Variants in FER observed in about 807,000 individuals in gnomAD.
The protein encoded by FER is tyrosine-protein kinase Fer.
A neutral mutation model predicts 111.0 loss-of-function variants in FER; 63 were observed. The ratio of observed to expected loss-of-function variants is 0.57; its 90% CI spans 0.46 to 0.70. The LOEUF is 0.70. FER is among the 30% of genes least tolerant of loss of function. The pLI is 0.00. For synonymous variants in FER, 327 were observed against 313.9 expected (o/e 1.04, Z -0.44); for missense variants, 914 against 954.0 (o/e 0.96, Z 0.55).
At chr5:109,077,745 A>G (rs1307022600) in intron 16 of FER, among the ~76,000 whole-genome samples, 3 of 152,172 alleles carry the variant, frequency 2.0e-5, no homozygotes, top group African/African-American at 4.8e-5. Flanking sequence ...ATAACAGCCA[A>G]CCATATTAAG....
intron 14 of FER, among the ~76,000 whole-genome samples, chr5:109,039,311 T>C (rs77358049): frequency 0.01 from 1,544 of 152,226 alleles, 23 homozygotes; most frequent in African/African-American, 0.035. Flanking sequence ...CAACAAATAT[T>C]CAGTCATCCA....
Position 108,946,138 on chromosome 5 carries a change from G to C in FER, c.1245G>C (p.Lys415Asn). 1 of 1,611,554 alleles carries C rather than the reference G, an allele frequency of 6.2e-7. No individual in the cohort carries two copies. The highest frequency in any genetic ancestry group is 8.5e-7 in the Non-Finnish European group (1 of 1,178,354). The change falls in exon 11 of 20, where the codon AAG becomes AAC. Residue 415 changes from lysine (K) to asparagine (N), a missense_variant. This residue lies in a region of FER where 774 missense variants were observed against 782.6 expected (regional missense o/e 0.99). Coordinates refer to ENST00000281092, the MANE Select transcript of FER (RefSeq NM_005246.4). ...DARSVTSMER[K>N]ERLSKFESIR... is the part of the protein sequence containing the mutation. ...TTTCTTAATCCCTCCAGGAAAGAAA[G>C]GAGAGGCTATCCAAATTTGAATCTA... is the stretch of plus-strand genomic sequence containing the variant.
intron 3 of FER, among the ~76,000 whole-genome samples, chr5:108,824,617 T>C (rs1342946498): frequency 6.6e-6 from 1 of 152,132 alleles, no homozygotes; most frequent in African/African-American, 2.4e-5. Context: ...TGTATAGAAA[T>C]GTTACTGATT....
intron 5 of FER, among the ~76,000 whole-genome samples, chr5:108,851,122 A>G (rs1302353344): frequency 6.6e-6 from 1 of 152,230 alleles, no homozygotes; most frequent in African/African-American, 2.4e-5. Flanking sequence ...TGTAGATAAT[A>G]TACATCATTG....
At chr5:109,113,621 G>A (rs1401265034) in intron 17 of FER, among the ~76,000 whole-genome samples, 5 of 152,102 alleles carry the variant, frequency 3.3e-5, no homozygotes, top group East Asian at 3.9e-4. Context: ...CATACACAGC[G>A]CAAGCCGGGA....
At chr5:108,985,130 G>T (rs1159163777) in intron 13 of FER, among the ~76,000 whole-genome samples, 1 of 151,976 alleles carries the variant, frequency 6.6e-6, no homozygotes, top group Non-Finnish European at 1.5e-5. Flanking sequence ...CAAATTCAGG[G>T]TTTAAATGGA....
chr5:109,164,535 T>C (rs545134837), intron 17 of FER, among the ~76,000 whole-genome samples: 1 of 152,336 alleles, frequency 6.6e-6, no homozygotes, highest in East Asian at 1.9e-4. Flanking sequence ...TATATCTGTA[T>C]TGAATTGTGT....
At chr5:109,090,990 AT>A (rs1200984668) in intron 16 of FER, among the ~76,000 whole-genome samples, 3 of 152,216 alleles carry the variant, frequency 2.0e-5, no homozygotes, top group Non-Finnish European at 4.4e-5. Context: ...CAGATTAAAG[AT>A]GAAATTTGTA....
intron 14 of FER, among the ~76,000 whole-genome samples, chr5:109,041,290 A>G (rs1771146212): frequency 6.6e-6 from 1 of 152,150 alleles, no homozygotes; most frequent in Middle Eastern, 3.2e-3. Context: ...CAGAGGAGCA[A>G]ATAAACTGAG....
chr5:109,073,376 C>G (rs1442286232), intron 16 of FER, among the ~76,000 whole-genome samples: 1 of 152,146 alleles, frequency 6.6e-6, no homozygotes, highest in Non-Finnish European at 1.5e-5. Context: ...TGATGACCAT[C>G]TCTGTCCTCA....
chr5:108,970,174 A>G (rs115757210), intron 13 of FER, among the ~76,000 whole-genome samples: 1,807 of 148,028 alleles, frequency 0.012, 341 homozygotes, highest in African/African-American at 0.046. Context: ...TGCTTCCTAA[A>G]TGAGCTGCAT....
At position 109,018,586 on chromosome 5, in the gene FER, G is replaced by C. The variant is rs146026585; in HGVS notation, c.1657-18836G>C. On this transcript the variant is annotated intron_variant, in intron 13 of 19. Coordinates refer to ENST00000281092, the MANE Select transcript of FER (RefSeq NM_005246.4). Reference sequence around the variant, plus strand: ...TGGTTAAATTACTTTATCAGTCTGAGCTTCCATTTCCTTATCTGTAAATTG... The same window carrying C: ...TGGTTAAATTACTTTATCAGTCTGACCTTCCATTTCCTTATCTGTAAATTG... Among the ~76,000 whole-genome samples, 26 of 151,870 alleles carry C rather than the reference G, an allele frequency of 1.7e-4. 1 individual carries two copies. Among genetic ancestry groups the C allele is most frequent in the East Asian group, 1.5e-3 (8 of 5,176 alleles).
intron 17 of FER, among the ~76,000 whole-genome samples, chr5:109,104,892 G>A (rs568921565): frequency 1.2e-4 from 18 of 151,952 alleles, no homozygotes; most frequent in East Asian, 7.8e-4. Context: ...ACAGGTGCCC[G>A]CCACCACGCC....
Position 109,161,807 on chromosome 5 carries a change from A to G in FER, c.2049-18940A>G, listed in dbSNP as rs1190008366. Among the ~76,000 whole-genome samples the G allele has an allele frequency of 3.9e-5, 6 of 152,260 alleles. No homozygotes were observed. In the East Asian group the frequency reaches 9.6e-4, roughly 24 times the overall value. The stretch of plus-strand genomic sequence containing the variant: ...AACCCCAATGTGATTGCTTGGTCTA[A>G]TGGTAGCTCTGTTTCTAGGTCTTTG... On this transcript the variant is annotated intron_variant, in intron 17 of 19. Coordinates refer to ENST00000281092, the MANE Select transcript of FER (RefSeq NM_005246.4).
chr5:108,822,135 A>G (rs1758911838), intron 3 of FER, among the ~76,000 whole-genome samples: 1 of 152,176 alleles, frequency 6.6e-6, no homozygotes, highest in South Asian at 2.1e-4. Context: ...CACTTAGCAT[A>G]ATGCCCTCTA....
chr5:109,003,076 A>G (rs9686994), intron 13 of FER, among the ~76,000 whole-genome samples: 28,061 of 152,032 alleles, frequency 0.18, 2,771 homozygotes, highest in Non-Finnish European at 0.22. Flanking sequence ...TCAGGGATCT[A>G]GAACTAGAAA....
chr5:108,759,113 A>G (rs978763088), intron 1 of FER, among the ~76,000 whole-genome samples: 15 of 152,336 alleles, frequency 9.8e-5, no homozygotes, highest in Middle Eastern at 3.4e-3. Context: ...GTTGACCAGT[A>G]TAATTAATTG....
intron 3 of FER, among the ~76,000 whole-genome samples, chr5:108,828,400 T>C (rs191119529): frequency 1.3e-5 from 2 of 152,304 alleles, no homozygotes; most frequent in Admixed American, 1.3e-4. Context: ...GACTCTTCTA[T>C]TTGAAAAGGT....
intron 2 of FER, among the ~76,000 whole-genome samples, chr5:108,792,501 C>T (rs1270168715): frequency 6.6e-6 from 1 of 151,864 alleles, no homozygotes; most frequent in African/African-American, 2.4e-5. Context: ...CCACGCACGG[C>T]TAATTTTGTA....
Sources: gnomAD v4.1 joint callset for allele counts (sites outside exome capture counted in the v4.1 genomes callset) on GRCh38, gnomAD v4.1.1 for gene constraint, gnomAD v4.1.1 regional missense constraint, MANE v1.5 for transcripts, NCBI Gene and HGNC (gene_info 2026-07-23, HGNC 2026-07-21) for gene names.